PKD1L3: variants seen among roughly 807,000 people sequenced by gnomAD.
PKD1L3 encodes polycystin 1 like 3, transient receptor potential channel interacting.
A neutral mutation model predicts 184.1 loss-of-function variants in PKD1L3; 239 were observed. The ratio of observed to expected loss-of-function variants is 1.30; its 90% CI spans 1.17 to 1.45. The LOEUF (loss-of-function observed/expected upper bound fraction) is 1.45. Among genes scored for constraint, PKD1L3 ranks in the 40% most tolerant of loss-of-function variants. The pLI, the probability that PKD1L3 is intolerant of heterozygous loss-of-function variation, is 0.00. For synonymous variants in PKD1L3, 996 were observed against 778.8 expected (o/e 1.28, Z -4.64); for missense variants, 2,660 against 2,067.2 (o/e 1.29, Z -5.56).
At chr16:71,968,760 T>C (rs887955267) in intron 13 of PKD1L3, among the ~76,000 whole-genome samples, 1 of 152,004 alleles carries the variant, frequency 6.6e-6, no homozygotes, top group African/African-American at 2.4e-5. Flanking sequence ...CACAGCCGGC[T>C]AATTTTTGTA....
intron 22 of PKD1L3, among the ~76,000 whole-genome samples, chr16:71,945,787 A>G (rs746997106): frequency 4.8e-4 from 73 of 152,212 alleles, no homozygotes; most frequent in Middle Eastern, 3.4e-3. Flanking sequence ...AAATCTCTCC[A>G]AGAAAGTCAG....
intron 13 of PKD1L3, among the ~76,000 whole-genome samples, chr16:71,969,007 C>T (rs957301965): frequency 4.0e-5 from 6 of 151,648 alleles, no homozygotes; most frequent in South Asian, 2.1e-4. Flanking sequence ...CTCAGCTCAC[C>T]GCAACCTCTG....
chr16:71,957,935 T>G (rs2039110485), intron 16 of PKD1L3, among the ~76,000 whole-genome samples: 1 of 152,210 alleles, frequency 6.6e-6, no homozygotes, highest in Admixed American at 6.5e-5. Flanking sequence ...ACAAGCCAAG[T>G]GGAAGTGTTG....
intron 6 of PKD1L3, among the ~76,000 whole-genome samples, chr16:71,982,988 G>C (rs2040218805): frequency 1.3e-5 from 2 of 152,130 alleles, no homozygotes; most frequent in Non-Finnish European, 2.9e-5. Flanking sequence ...CAATTTGACA[G>C]GGAAGGAGAA....
chr16:71,937,246 G>A, intron 25 of PKD1L3, 46 bp downstream of exon 25: 2 of 1,530,788 alleles, frequency 1.3e-6, no homozygotes, highest in Non-Finnish European at 1.8e-6. Flanking sequence ...GTAAAGATGA[G>A]GTTTTGCCAT....
Position 71,984,934 on chromosome 16 carries a change from T to C in PKD1L3, c.835-767A>G, listed in dbSNP as rs561232043. Among the ~76,000 whole-genome samples, 13 of 152,246 alleles carry C rather than the reference T, an allele frequency of 8.5e-5. No homozygotes were observed. The South Asian group carries it at 2.7e-3, about 32-fold the overall frequency. On this transcript the variant is annotated intron_variant, in intron 5 of 29. Coordinates refer to ENST00000620267, the MANE Select transcript of PKD1L3 (RefSeq NM_181536.2). ...AGAGGTGGGAAGCAGAAAACCTCCCTGCCCTAAGAAACAGACTGAGCAAAT... is the reference window on the plus strand; with the variant it reads ...AGAGGTGGGAAGCAGAAAACCTCCCCGCCCTAAGAAACAGACTGAGCAAAT...
intron 22 of PKD1L3, among the ~76,000 whole-genome samples, chr16:71,945,396 A>ATATATTTATT (rs2038561741): frequency 7.2e-5 from 3 of 41,742 alleles, no homozygotes; most frequent in Non-Finnish European, 2.1e-4. Context: ...ATATATATAT[A>ATATATTTATT]TATTTATTTA....
intron 3 of PKD1L3, among the ~76,000 whole-genome samples, chr16:71,991,523 T>C (rs1406230911): frequency 6.6e-6 from 1 of 152,050 alleles, no homozygotes; most frequent in Non-Finnish European, 1.5e-5. Flanking sequence ...TGTGGAAAAA[T>C]TAGTCCCTGA....
At chr16:71,940,384 G>A (rs371124078) in intron 24 of PKD1L3, among the ~76,000 whole-genome samples, 5 of 152,252 alleles carry the variant, frequency 3.3e-5, no homozygotes, top group African/African-American at 1.2e-4. Context: ...AAGTATAATA[G>A]GCTCATATAC....
At chr16:71,991,398 A>T in intron 3 of PKD1L3, 1 of 165,446 alleles carries the variant, frequency 6.0e-6, no homozygotes, top group Middle Eastern at 6.3e-4. Flanking sequence ...TGAAGCTAAC[A>T]TGCACCAGAA....
At chr16:71,977,766 A>C (rs565710393) in intron 10 of PKD1L3, among the ~76,000 whole-genome samples, 2 of 151,712 alleles carry the variant, frequency 1.3e-5, no homozygotes, top group African/African-American at 4.8e-5. Context: ...TCCCAGACCT[A>C]TAACACTTCT....
chr16:71,934,744 T>C (rs2038115863), intron 26 of PKD1L3, among the ~76,000 whole-genome samples: 1 of 152,244 alleles, frequency 6.6e-6, no homozygotes, highest in South Asian at 2.1e-4. Context: ...CCGCTGTCAC[T>C]GCATAAACTG....
Position 71,929,638 on chromosome 16 carries a change from G to C in PKD1L3, c.5099C>G (p.Ser1700Ter), listed in dbSNP as rs1224487910. ...GGGCCAACTGATTCCTAACAAATTT[G>C]AGAGCTTCTGTAGCAGTGTATCTAT... ...ALIDTLLQKLSNLLGISWPQK... is the reference protein window; with the variant it reads ...ALIDTLLQKL Residue 1700 changes from serine to a stop codon, truncating the protein, a stop_gained, in exon 30 of 30, where the codon TCA (serine) becomes TGA (stop). Transcript: ENST00000620267. LOFTEE classifies it low-confidence loss of function (END_TRUNC). 4.5e-6 allele frequency: 7 copies of C among 1,551,664 alleles called. No homozygotes were observed. Among genetic ancestry groups the C allele is most frequent in the East Asian group, 2.4e-5 (1 of 40,934 alleles).
chr16:71,951,237 G>A (rs111570719), intron 19 of PKD1L3, among the ~76,000 whole-genome samples: 28 of 152,062 alleles, frequency 1.8e-4, no homozygotes, highest in South Asian at 6.2e-4. Context: ...ACAGGGTTTC[G>A]CCATGTTGGC....
chr16:71,953,492 TTACAAAGCAC>T (rs200815656), intron 17 of PKD1L3, among the ~76,000 whole-genome samples: 1 of 152,080 alleles, frequency 6.6e-6, no homozygotes, highest in East Asian at 1.9e-4. Flanking sequence ...TTACAAAGCA[TTACAAAGCAC>T]TACAAAGCAC....
intron 3 of PKD1L3, chr16:71,991,407 A>C (rs1448120256): frequency 6.2e-6 from 1 of 161,828 alleles, no homozygotes; most frequent in Non-Finnish European, 1.4e-5. Flanking sequence ...CATGCACCAG[A>C]ATGAGGTACA....
intron 16 of PKD1L3, 112 bp downstream of exon 16, chr16:71,963,093 G>A (rs1567518626): frequency 1.7e-6 from 2 of 1,188,118 alleles, no homozygotes. Context: ...ATGTATGTTT[G>A]AAATAATACA....
chr16:71,986,899 A>G (rs2040389379), intron 4 of PKD1L3, among the ~76,000 whole-genome samples: 1 of 145,404 alleles, frequency 6.9e-6, no homozygotes, highest in African/African-American at 2.6e-5. Flanking sequence ...GAGGATGTTC[A>G]GTGGTAAGGA....
chr16:71,980,246 G>A (rs990457764), intron 7 of PKD1L3, 112 bp from the exon 8 acceptor site: 2 of 1,333,392 alleles, frequency 1.5e-6, no homozygotes, highest in South Asian at 2.9e-5. Flanking sequence ...TGTAATGAAG[G>A]GTAGTATTCC....
Sources: allele counts gnomAD v4.1 joint callset (sites outside exome capture counted in the v4.1 genomes callset), GRCh38; gene constraint gnomAD v4.1.1; transcripts MANE v1.5; gene names NCBI Gene and HGNC (gene_info 2026-07-23, HGNC 2026-07-21).